Variants in ACTN1 observed in about 807,000 individuals in gnomAD.
The protein encoded by ACTN1 is actinin alpha 1.
ACTN1 carries 30 observed loss-of-function variants against 119.6 expected under a neutral mutation model. The ratio of observed to expected loss-of-function variants is 0.25; its 90% CI spans 0.19 to 0.34. The LOEUF (loss-of-function observed/expected upper bound fraction) is 0.34. Ranked by LOEUF, ACTN1 falls within the 10% of genes least tolerant of loss-of-function variation. The probability of loss-of-function intolerance (pLI) is 1.00; values close to 1 mark genes in which losing one functional copy is unlikely to be tolerated. For missense variants in ACTN1, 764 were observed against 1,223.4 expected, an observed-to-expected ratio of 0.62 and a Z score of 5.60; for synonymous variants, 429 against 472.6, an observed-to-expected ratio of 0.91 and a Z score of 1.20.
At position 68,884,848 on chromosome 14, in the gene ACTN1, G is replaced by A. The variant is rs1213576738; in HGVS notation, c.1421C>T (p.Ala474Val). ...LDYYDSPSVN[A>V]RCQKICDQWD... ...CTGGTCACAGATCTTTTGGCAACGGGCGTTGACACTGGGTGAGTCATAATA... is the reference window on the plus strand; with the variant it reads ...CTGGTCACAGATCTTTTGGCAACGGACGTTGACACTGGGTGAGTCATAATA... Residue 474 changes from alanine (A) to valine (V), a missense_variant, in exon 13 of 22, where the codon GCC becomes GTC. Ala to Val is a moderately conservative substitution (Grantham distance 64). This residue lies in a region of ACTN1 where 544 missense variants were observed against 912.0 expected (regional missense o/e 0.60). Transcript: ENST00000394419. 6.2e-7 allele frequency: 1 copy of A among 1,614,208 alleles called. No individual in the cohort carries two copies. Among genetic ancestry groups the A allele is most frequent in the Admixed American group, 1.7e-5 (1 of 60,034 alleles).
At chr14:68,904,833 C>A (rs1167935006) in intron 6 of ACTN1, 97 bp from the exon 7 acceptor site, 18 of 975,130 alleles carry the variant, frequency 1.8e-5, no homozygotes, top group South Asian at 5.6e-5. Context: ...GGGAGCAGAG[C>A]GACTTTCTCC....
At chr14:68,953,722 C>CA (rs758286195) in intron 1 of ACTN1, among the ~76,000 whole-genome samples, 1,520 of 129,502 alleles carry the variant, frequency 0.012, 21 homozygotes, top group African/African-American at 0.015. Context: ...ACTAAAAATA[C>CA]AAAAAAAAAA....
At chr14:68,957,767 G>C (rs894620624) in intron 1 of ACTN1, among the ~76,000 whole-genome samples, 9 of 152,096 alleles carry the variant, frequency 5.9e-5, no homozygotes, top group African/African-American at 2.2e-4. Context: ...ATGGGAAGGG[G>C]TCTCCCTGCC....
At chr14:68,936,355 C>A (rs1479635614) in intron 1 of ACTN1, among the ~76,000 whole-genome samples, 6 of 152,110 alleles carry the variant, frequency 3.9e-5, no homozygotes, top group Admixed American at 3.9e-4. Context: ...AAGCTTTATG[C>A]TAGAACATTC....
chr14:68,898,969 ACCACACACG>A (rs540795971), intron 8 of ACTN1, among the ~76,000 whole-genome samples: 154 of 145,002 alleles, frequency 1.1e-3, no homozygotes, highest in Non-Finnish European at 2.0e-3. Context: ...ACACACACAC[ACCACACACG>A]CCACACCTCA....
intron 8 of ACTN1, among the ~76,000 whole-genome samples, chr14:68,895,534 G>C (rs2032810699): frequency 1.3e-5 from 2 of 152,188 alleles, no homozygotes; most frequent in African/African-American, 4.8e-5. Context: ...GGCTGGGGCA[G>C]GGGGCTGCAG....
chr14:68,942,923 T>G (rs1292974312), intron 1 of ACTN1, among the ~76,000 whole-genome samples: 7 of 152,140 alleles, frequency 4.6e-5, no homozygotes, highest in African/African-American at 1.4e-4. Context: ...ACAGAGGCCT[T>G]GCATGGCCCC....
intron 9 of ACTN1, 47 bp downstream of exon 9, chr14:68,893,608 G>T: frequency 6.4e-7 from 1 of 1,563,700 alleles, no homozygotes; most frequent in Non-Finnish European, 8.8e-7. Flanking sequence ...CGTTCTAGGG[G>T]ACTGACTCTT....
intron 6 of ACTN1, among the ~76,000 whole-genome samples, chr14:68,907,964 A>T (rs965055425): frequency 6.6e-6 from 1 of 152,060 alleles, no homozygotes; most frequent in Non-Finnish European, 1.5e-5. Flanking sequence ...CCCCTTGGCC[A>T]CGTTTGATTT....
Position 68,890,240 on chromosome 14 carries a change from T to C in ACTN1, c.1133A>G (p.Tyr378Cys), listed in dbSNP as rs776405361. 2 of 1,614,164 alleles carry C rather than the reference T, an allele frequency of 1.2e-6. No individual in the cohort carries two copies. The highest frequency in any genetic ancestry group is 1.7e-6 in the Non-Finnish European group (2 of 1,180,004). ...GATCTCATTCAGCAACCACTCCTCA[T>C]AGCCCTTCTCCACCTGCTCCAGGCA... ...WGCLEQVEKG[Y>C]EEWLLNEIRR... Residue 378 changes from tyrosine to cysteine, a missense_variant, in exon 11 of 22, where the codon TAT becomes TGT. This residue lies in a region of ACTN1 where 544 missense variants were observed against 912.0 expected (regional missense o/e 0.60). Transcript: ENST00000394419.
At chr14:68,881,936 C>CCTTTT (rs2031552165) in intron 16 of ACTN1, among the ~76,000 whole-genome samples, 1 of 58,394 alleles carries the variant, frequency 1.7e-5, no homozygotes, top group Admixed American at 1.9e-4. Context: ...TAGGCAGCTT[C>CCTTTT]TTTTTTTTTT....
intron 21 of ACTN1, among the ~76,000 whole-genome samples, chr14:68,876,153 C>T (rs1414445961): frequency 2.0e-5 from 3 of 152,252 alleles, no homozygotes; most frequent in Admixed American, 6.5e-5. Flanking sequence ...CACGCCACCA[C>T]GCCCGGTTAA....
chr14:68,911,065 A>G (rs11158776), intron 4 of ACTN1, among the ~76,000 whole-genome samples: 27,099 of 152,198 alleles, frequency 0.18, 3,265 homozygotes, highest in East Asian at 0.63. Context: ...AGGTTAAGGT[A>G]CTCAGTGGAC....
At chr14:68,935,396 T>TTC (rs1268741010) in intron 1 of ACTN1, among the ~76,000 whole-genome samples, 1 of 139,890 alleles carries the variant, frequency 7.1e-6, no homozygotes, top group East Asian at 2.1e-4. Context: ...CATTTTTTTT[T>TTC]TTTTTTTTTT....
chr14:68,963,267 T>G (rs559189206), intron 1 of ACTN1, among the ~76,000 whole-genome samples: 2 of 152,348 alleles, frequency 1.3e-5, no homozygotes, highest in East Asian at 3.9e-4. Context: ...AGATGTGATA[T>G]CTTTGTATAT....
At chr14:68,941,719 C>G (rs1204804080) in intron 1 of ACTN1, among the ~76,000 whole-genome samples, 3 of 151,144 alleles carry the variant, frequency 2.0e-5, no homozygotes, top group African/African-American at 4.9e-5. Context: ...CATGGAAAGG[C>G]ATGAGACAAA....
chr14:68,899,040 T>C (rs1366763272), intron 8 of ACTN1, among the ~76,000 whole-genome samples: 73 of 71,172 alleles, frequency 1.0e-3, no homozygotes, highest in Non-Finnish European at 1.7e-3. Flanking sequence ...CACACACACA[T>C]GCCACACCTC....
intron 1 of ACTN1, among the ~76,000 whole-genome samples, chr14:68,939,474 C>T (rs2300876): frequency 0.12 from 18,391 of 152,216 alleles, 1,367 homozygotes; most frequent in Middle Eastern, 0.24. Context: ...AATGAGCCTG[C>T]AGCCCATAAA....
rs1038162135 is a variant in ACTN1 at position 68,967,772 on chromosome 14, A to T, written c.105+11180T>A. Among the ~76,000 whole-genome samples the T allele has an allele frequency of 3.3e-5, 5 of 152,230 alleles. No individual in the cohort carries two copies. The East Asian group carries it at 9.6e-4, about 29-fold the overall frequency. On this transcript the variant is annotated intron_variant, in intron 1 of 21. Transcript: ENST00000394419. ...CTGGGACCCCACTTGTTGTCCTTGA[A>T]GCCTAGGAATGGTCCTGGCGGAGTG...
Sources: gnomAD v4.1 joint callset for allele counts (sites outside exome capture counted in the v4.1 genomes callset) on GRCh38, gnomAD v4.1.1 for gene constraint, gnomAD v4.1.1 regional missense constraint, MANE v1.5 for transcripts, NCBI Gene and HGNC (gene_info 2026-07-23, HGNC 2026-07-21) for gene names.